ANKAR: variants seen among roughly 807,000 people sequenced by gnomAD.
The protein encoded by ANKAR is ankyrin and armadillo repeat-containing protein.
ANKAR carries 136 observed loss-of-function variants against 146.2 expected under a neutral mutation model. The observed-to-expected ratio is 0.93, with a 90% CI of 0.81 to 1.07. The LOEUF (loss-of-function observed/expected upper bound fraction) is 1.07. ANKAR is among the 50% of genes least tolerant of loss of function. The pLI is 0.00. For synonymous variants in ANKAR, 500 were observed against 575.8 expected, an observed-to-expected ratio of 0.87 and a Z score of 1.88; for missense variants, 1,567 against 1,679.9, an observed-to-expected ratio of 0.93 and a Z score of 1.18.
chr2:189,762,894 C>T (rs1268009055), downstream of ANKAR: 3 of 985,348 alleles, frequency 3.0e-6, no homozygotes, highest in Non-Finnish European at 3.6e-6. Flanking sequence ...TTGCCCAAAA[C>T]GCTCTCTGTG....
intron 22 of ANKAR, among the ~76,000 whole-genome samples, chr2:189,745,836 A>C (rs2044072677): frequency 6.6e-6 from 1 of 152,210 alleles, no homozygotes; most frequent in Non-Finnish European, 1.5e-5. Flanking sequence ...GGGAGGCTAT[A>C]TAGAAATATA....
intron 7 of ANKAR, among the ~76,000 whole-genome samples, chr2:189,697,725 G>A (rs1041034186): frequency 3.3e-5 from 5 of 151,848 alleles, no homozygotes; most frequent in African/African-American, 9.7e-5. Flanking sequence ...TTTCTCATGC[G>A]CCCTCTGACT....
intron 2 of ANKAR, among the ~76,000 whole-genome samples, chr2:189,685,461 C>T (rs2035442377): frequency 6.6e-6 from 1 of 152,176 alleles, no homozygotes; most frequent in African/African-American, 2.4e-5. Flanking sequence ...ACTTCATCCT[C>T]TTCCTTTTGT....
At chr2:189,723,277 A>G (rs746090301) in intron 12 of ANKAR, among the ~76,000 whole-genome samples, 8 of 152,176 alleles carry the variant, frequency 5.3e-5, no homozygotes, top group Non-Finnish European at 1.0e-4. Flanking sequence ...TACCCTTGCT[A>G]AGTTTGGTTT....
At position 189,706,949 on chromosome 2, in the gene ANKAR, C is replaced by T. The variant is rs995336669; in HGVS notation, c.1922C>T (p.Thr641Ile). Reference sequence around the variant, plus strand: ...TTCTTAATTTTTAGGAATCAGTGCACTCCACTGTTACTTGCTGCCACTTCA... The same window carrying T: ...TTCTTAATTTTTAGGAATCAGTGCATTCCACTGTTACTTGCTGCCACTTCA... Reference protein sequence around the residue: ...EAEATAENQCTPLLLAATSGA... With the variant: ...EAEATAENQCIPLLLAATSGA... Residue 641 changes from threonine (T) to isoleucine (I), a missense_variant, in exon 9 of 23, where the codon ACT becomes ATT. Transcript: ENST00000684021. 6.2e-7 allele frequency: 1 copy of T among 1,611,554 alleles called. No individual in the cohort carries two copies. Among genetic ancestry groups the T allele is most frequent in the Non-Finnish European group, 8.5e-7 (1 of 1,178,914 alleles).
intron 17 of ANKAR, among the ~76,000 whole-genome samples, chr2:189,733,877 C>T (rs141133178): frequency 2.6e-5 from 4 of 151,038 alleles, no homozygotes; most frequent in African/African-American, 9.7e-5. Context: ...CGGGGTCTCA[C>T]ATTACATCTA....
chr2:189,692,526 G>A lies in ANKAR; in HGVS notation c.1203+108G>A, dbSNP rs2036576165. 3 of 935,910 alleles carry A rather than the reference G, an allele frequency of 3.2e-6. No homozygotes were observed. The East Asian group carries it at 8.1e-5, about 25-fold the overall frequency. 58.0% of individuals were successfully genotyped at this position (935,910 alleles called of 1,614,324 possible). A position where few individuals can be genotyped will look rare whatever the true frequency, so the allele number is the denominator to read the frequency against. ...ACAGGCACTCGACAGCTCTCCAAATGATTATTCTCACAACTCAATAATTTT... is the reference window on the plus strand; with the variant it reads ...ACAGGCACTCGACAGCTCTCCAAATAATTATTCTCACAACTCAATAATTTT... On this transcript the variant is annotated intron_variant, in intron 4 of 22. Coordinates refer to ENST00000684021, the MANE Select transcript of ANKAR (RefSeq NM_001378068.1).
intron 2 of ANKAR, among the ~76,000 whole-genome samples, chr2:189,683,626 C>G (rs1439652734): frequency 6.6e-6 from 1 of 152,212 alleles, no homozygotes; most frequent in East Asian, 1.9e-4. Flanking sequence ...CCACCTCTCC[C>G]CTGGCATGAT....
rs1464072373 is a variant in ANKAR at position 189,728,071 on chromosome 2, A to G, written c.2851A>G (p.Thr951Ala). Residue 951 changes from threonine (T) to alanine (A), a missense_variant, in exon 13 of 23, where the codon ACT (threonine) becomes GCT (alanine). Thr to Ala is a moderately conservative substitution (Grantham distance 58). Coordinates refer to ENST00000684021, the MANE Select transcript of ANKAR (RefSeq NM_001378068.1). The part of the protein sequence containing the change: ...IQKAFLEKSL[T>A]KYLLKLLKAF... Reference sequence around the variant, plus strand: ...GAAAGCATTTCTGGAAAAATCGTTAACTAAATATCTTTTAAAACTCCTAAA... The same window carrying G: ...GAAAGCATTTCTGGAAAAATCGTTAGCTAAATATCTTTTAAAACTCCTAAA... 3.1e-6 allele frequency: 5 copies of G among 1,612,476 alleles called. No homozygotes were observed. The highest frequency in any genetic ancestry group is 1.3e-5 in the African/African-American group (1 of 74,844).
In ANKAR at chr2:189,689,614, C is replaced by G. The variant is rs2036115712; in HGVS notation, c.689C>G (p.Pro230Arg). ...NEDPTYDPNS[P>R]EETAVFMKYA... The stretch of plus-strand genomic sequence containing the variant: ...GATCCAACATATGATCCCAACAGCC[C>G]TGAAGAAACAGCTGTATTTATGAAA... The change falls in exon 3 of 23, where the codon CCT (proline) becomes CGT (arginine). Residue 230 changes from proline (P) to arginine (R), a missense_variant. Coordinates refer to ENST00000684021, the MANE Select transcript of ANKAR (RefSeq NM_001378068.1). The G allele has an allele frequency of 6.2e-7, 1 of 1,613,428 alleles. No individual in the cohort carries two copies. Among genetic ancestry groups the G allele is most frequent in the Non-Finnish European group, 8.5e-7 (1 of 1,179,732 alleles).
intron 2 of ANKAR, 25 bp downstream of exon 2, chr2:189,677,116 A>ATTTTT: frequency 7.8e-7 from 1 of 1,281,218 alleles, no homozygotes; most frequent in Non-Finnish European, 1.0e-6. Flanking sequence ...CACTTCTTAA[A>ATTTTT]TTTTTTTTTT....
intron 7 of ANKAR, 87 bp downstream of exon 7, chr2:189,696,456 T>C: frequency 7.7e-7 from 1 of 1,298,704 alleles, no homozygotes; most frequent in Non-Finnish European, 1.0e-6. Flanking sequence ...TAGAGCAGGT[T>C]AAAATTTGGT....
At chr2:189,718,318 C>T (rs1342866682) in intron 10 of ANKAR, among the ~76,000 whole-genome samples, 1 of 35,492 alleles carries the variant, frequency 2.8e-5, no homozygotes, top group Non-Finnish European at 5.8e-5. Context: ...ATATATCTAT[C>T]TGTCTGTCTA....
At chr2:189,691,809 C>T (rs921156923) in intron 3 of ANKAR, among the ~76,000 whole-genome samples, 5 of 151,664 alleles carry the variant, frequency 3.3e-5, no homozygotes, top group African/African-American at 9.7e-5. Flanking sequence ...GTCACCCAGC[C>T]GGAGTGGAGT....
chr2:189,709,306 T>A (rs1307599467), intron 9 of ANKAR, among the ~76,000 whole-genome samples: 1 of 152,170 alleles, frequency 6.6e-6, no homozygotes, highest in Non-Finnish European at 1.5e-5. Context: ...TAACATGAAG[T>A]CAATGAAGTC....
At chr2:189,736,567 AAT>A (rs2042873290) in intron 17 of ANKAR, among the ~76,000 whole-genome samples, 1 of 147,524 alleles carries the variant, frequency 6.8e-6, no homozygotes, top group African/African-American at 2.5e-5. Flanking sequence ...GAAAATTTCA[AAT>A]ATATATAAAA....
At position 189,704,630 on chromosome 2, in the gene ANKAR, A is replaced by G. The variant is rs550784498; in HGVS notation, c.1709-393A>G. Among the ~76,000 whole-genome samples, 157 of 139,606 alleles carry G rather than the reference A, an allele frequency of 1.1e-3. 2 individuals carry two copies. Among genetic ancestry groups the G allele is most frequent in the African/African-American group, 3.7e-3 (141 of 38,388 alleles). 91.6% of individuals were successfully genotyped at this position (139,606 alleles called of 152,430 possible). A position where few individuals can be genotyped will look rare whatever the true frequency, so the allele number is the denominator to read the frequency against. Reference sequence around the variant, plus strand: ...TTTCAAAGGATCTTATCTTCAACTAAAAAACATGAGTAAAATGGAAAATAA... The same window carrying G: ...TTTCAAAGGATCTTATCTTCAACTAGAAAACATGAGTAAAATGGAAAATAA... On this transcript the variant is annotated intron_variant, in intron 7 of 22. Transcript: ENST00000684021.
chr2:189,757,774 C>T (rs1240900890), intron 18 of ANKAR, among the ~76,000 whole-genome samples: 1 of 152,206 alleles, frequency 6.6e-6, no homozygotes, highest in Non-Finnish European at 1.5e-5. Flanking sequence ...TATTGCCTGG[C>T]AGCTATAGGT....
intron 18 of ANKAR, chr2:189,754,143 T>C: frequency 6.2e-7 from 1 of 1,613,180 alleles, no homozygotes; most frequent in South Asian, 1.1e-5. Flanking sequence ...AAATATACCT[T>C]CCTCTTTTTC....
Sources: gnomAD v4.1 joint callset for allele counts (sites outside exome capture counted in the v4.1 genomes callset) on GRCh38, gnomAD v4.1.1 for gene constraint, MANE v1.5 for transcripts, NCBI Gene and HGNC (gene_info 2026-07-23, HGNC 2026-07-21) for gene names.